Variants in ARHGAP42 observed in about 807,000 individuals in gnomAD.
ARHGAP42 encodes rho GTPase-activating protein 42.
ARHGAP42 carries 63 observed loss-of-function variants against 125.0 expected under a neutral mutation model. The observed-to-expected ratio is 0.50, with a 90% CI of 0.41 to 0.62. The LOEUF (loss-of-function observed/expected upper bound fraction) is 0.62, where lower values mean the gene tolerates loss of function less well. ARHGAP42 is among the 20% of genes least tolerant of loss of function. The pLI is 0.00. For synonymous variants in ARHGAP42, 339 were observed against 351.0 expected (o/e 0.97, Z 0.38); for missense variants, 766 against 1,024.2 (o/e 0.75, Z 3.44).
chr11:100,903,153 A>ACACACACACACC (rs1200735885), intron 4 of ARHGAP42, among the ~76,000 whole-genome samples: 1 of 151,716 alleles, frequency 6.6e-6, no homozygotes, highest in Non-Finnish European at 1.5e-5. Context: ...ACACACACAC[A>ACACACACACACC]CACCAAGCTT....
chr11:100,781,285 GT>G lies in ARHGAP42; in HGVS notation c.250+10858del, dbSNP rs143132073. On this transcript the variant is annotated intron_variant, in intron 2 of 23. Coordinates refer to ENST00000298815, the MANE Select transcript of ARHGAP42 (RefSeq NM_152432.4). The stretch of plus-strand genomic sequence containing the variant: ...AGGGTGGGGAGGAACAACATGAACT[GT>G]TTTTTTTTTTCTGAATGATCGGAAA... Among the ~76,000 whole-genome samples, 13 of 144,944 alleles carry G rather than the reference GT, an allele frequency of 9.0e-5. No individual in the cohort carries two copies. The East Asian group carries it at 1.0e-3, about 11-fold the overall frequency.
chr11:100,735,723 C>T (rs1862053814), intron 1 of ARHGAP42, among the ~76,000 whole-genome samples: 1 of 150,934 alleles, frequency 6.6e-6, no homozygotes, highest in Non-Finnish European at 1.5e-5. Flanking sequence ...AGTCTCCTGC[C>T]TCAGACTCCC....
chr11:100,721,401 T>G (rs988516967), intron 1 of ARHGAP42, among the ~76,000 whole-genome samples: 2 of 152,154 alleles, frequency 1.3e-5, no homozygotes, highest in Admixed American at 1.3e-4. Flanking sequence ...CTGACTTCTT[T>G]CACTTAGCAA....
chr11:100,979,145 A>C, intron 22 of ARHGAP42, 96 bp downstream of exon 22: 1 of 1,203,762 alleles, frequency 8.3e-7, no homozygotes, highest in Non-Finnish European at 1.2e-6. Flanking sequence ...CCGCCTCTCC[A>C]TTATGCAGAT....
At chr11:100,700,753 T>A (rs1861383117) in intron 1 of ARHGAP42, among the ~76,000 whole-genome samples, 1 of 152,228 alleles carries the variant, frequency 6.6e-6, no homozygotes, top group African/African-American at 2.4e-5. Context: ...CTGCACTTAC[T>A]TCCTCCACTG....
rs73575521 is a variant in ARHGAP42, at chr11:100,753,702, C to A, written c.155-16641C>A. ...GGAAGTGCGTGCAAGGCTCTTCTTG[C>A]TGCTGTTCCTACTTTTACATGCCCC... On this transcript the variant is annotated intron_variant, in intron 1 of 23. Coordinates refer to ENST00000298815, the MANE Select transcript of ARHGAP42 (RefSeq NM_152432.4). Among the ~76,000 whole-genome samples the A allele has an allele frequency of 8.3e-3, 1,264 of 152,336 alleles. 11 individuals are homozygous for A. Among genetic ancestry groups the A allele is most frequent in the African/African-American group, 0.029 (1,209 of 41,572 alleles).
At chr11:100,731,042 G>GT (rs1216085024) in intron 1 of ARHGAP42, among the ~76,000 whole-genome samples, 5 of 151,766 alleles carry the variant, frequency 3.3e-5, no homozygotes, top group South Asian at 2.1e-4. Context: ...AGTCATTCAG[G>GT]TTTTTTTTAG....
rs1591260778 is a variant in ARHGAP42, at chr11:100,876,893, C to G, written c.384+17268C>G. ...TAATAATCTGAAGCCAAATTTAATG[C>G]TCTCCAGAGACCATGCAACCCACGT... On this transcript the variant is annotated intron_variant, in intron 4 of 23. Coordinates refer to ENST00000298815, the MANE Select transcript of ARHGAP42 (RefSeq NM_152432.4). Among the ~76,000 whole-genome samples the G allele has an allele frequency of 2.0e-5, 3 of 152,170 alleles. No homozygotes were observed. The East Asian group carries it at 5.8e-4, about 29-fold the overall frequency.
chr11:100,712,414 A>G (rs754522527), intron 1 of ARHGAP42, among the ~76,000 whole-genome samples: 1 of 152,238 alleles, frequency 6.6e-6, no homozygotes, highest in Non-Finnish European at 1.5e-5. Context: ...TGCTACTGTT[A>G]TTATATGAAA....
intron 3 of ARHGAP42, among the ~76,000 whole-genome samples, chr11:100,858,080 G>C (rs1401930061): frequency 1.1e-5 from 1 of 87,936 alleles, no homozygotes; most frequent in East Asian, 4.1e-4. Flanking sequence ...GTACAATCTG[G>C]ATAGGGGTGT....
At chr11:100,883,432 T>C (rs936365941) in intron 4 of ARHGAP42, among the ~76,000 whole-genome samples, 1 of 152,164 alleles carries the variant, frequency 6.6e-6, no homozygotes, top group African/African-American at 2.4e-5. Context: ...ATTCTCTGCC[T>C]CCTGAGTTCA....
At chr11:100,758,260 T>C (rs898309488) in intron 1 of ARHGAP42, among the ~76,000 whole-genome samples, 1 of 152,184 alleles carries the variant, frequency 6.6e-6, no homozygotes, top group African/African-American at 2.4e-5. Flanking sequence ...GTAAACAGAT[T>C]TTATTATTGG....
At chr11:100,699,507 T>TATATATATATA (rs1491440671) in intron 1 of ARHGAP42, among the ~76,000 whole-genome samples, 2 of 28,604 alleles carry the variant, frequency 7.0e-5, no homozygotes, top group African/African-American at 3.6e-4. Context: ...TATATATATA[T>TATATATATATA]TTTTTTTTTT....
chr11:100,883,477 G>T (rs1285411051), intron 4 of ARHGAP42, among the ~76,000 whole-genome samples: 1 of 151,956 alleles, frequency 6.6e-6, no homozygotes, highest in Admixed American at 6.6e-5. Flanking sequence ...CAAGTAGCTG[G>T]GATTACAGGT....
At chr11:100,758,310 T>A (rs1423379596) in intron 1 of ARHGAP42, among the ~76,000 whole-genome samples, 1 of 152,256 alleles carries the variant, frequency 6.6e-6, no homozygotes, top group Non-Finnish European at 1.5e-5. Context: ...GGAATGCAGA[T>A]ATCTATTAAC....
intron 10 of ARHGAP42, among the ~76,000 whole-genome samples, chr11:100,946,575 G>A (rs1868024835): frequency 6.6e-6 from 1 of 151,942 alleles, no homozygotes; most frequent in Admixed American, 6.6e-5. Context: ...TTTTAATATT[G>A]TTGTATCTCA....
At chr11:100,963,076 T>C (rs1857997637) in intron 16 of ARHGAP42, among the ~76,000 whole-genome samples, 1 of 152,194 alleles carries the variant, frequency 6.6e-6, no homozygotes, top group Admixed American at 6.5e-5. Flanking sequence ...TACCAGTTTC[T>C]TTTAAGAGCA....
intron 5 of ARHGAP42, among the ~76,000 whole-genome samples, chr11:100,920,501 C>T (rs1000826621): frequency 5.9e-5 from 9 of 151,984 alleles, no homozygotes; most frequent in Non-Finnish European, 1.2e-4. Flanking sequence ...TTGGTGTCAA[C>T]GGATACTTAG....
chr11:100,830,922 T>C (rs1864649489), intron 3 of ARHGAP42, among the ~76,000 whole-genome samples: 1 of 152,120 alleles, frequency 6.6e-6, no homozygotes, highest in South Asian at 2.1e-4. Context: ...GATATAATTT[T>C]TCTTCCCTTC....
Sources: gnomAD v4.1 joint callset for allele counts (sites outside exome capture counted in the v4.1 genomes callset) on GRCh38, gnomAD v4.1.1 for gene constraint, MANE v1.5 for transcripts, NCBI Gene and HGNC (gene_info 2026-07-23, HGNC 2026-07-21) for gene names.